Variants in TXNDC11 observed in about 807,000 individuals in gnomAD.
TXNDC11 encodes thioredoxin domain-containing protein 11.
A neutral mutation model predicts 78.0 loss-of-function variants in TXNDC11; 68 were observed. That is an observed-to-expected ratio of 0.87 (90% CI 0.72 to 1.07). The LOEUF (loss-of-function observed/expected upper bound fraction) is 1.07, where lower values mean the gene tolerates loss of function less well. TXNDC11 is among the 50% of genes least tolerant of loss of function. The pLI is 0.00. For synonymous variants in TXNDC11, 571 were observed against 495.2 expected (o/e 1.15, Z -2.03); for missense variants, 1,389 against 1,221.8 (o/e 1.14, Z -2.04).
At chr16:11,688,770 A>G (rs2050633847) in intron 8 of TXNDC11, among the ~76,000 whole-genome samples, 1 of 152,230 alleles carries the variant, frequency 6.6e-6, no homozygotes, top group African/African-American at 2.4e-5. Flanking sequence ...ACAAGCCACC[A>G]TCTTTTCAAG....
chr16:11,732,157 C>T (rs11075010), intron 3 of TXNDC11, among the ~76,000 whole-genome samples: 91,404 of 151,984 alleles, frequency 0.6, 28,214 homozygotes, highest in African/African-American at 0.72. Flanking sequence ...AGGTTGGACA[C>T]ATTTCTAAAG....
At chr16:11,731,146 G>T (rs990226122) in intron 3 of TXNDC11, among the ~76,000 whole-genome samples, 2 of 152,178 alleles carry the variant, frequency 1.3e-5, no homozygotes, top group East Asian at 1.9e-4. Flanking sequence ...GGGATTCCAG[G>T]ATTTAACTAT....
At chr16:11,717,387 A>C (rs2051557354) in intron 5 of TXNDC11, among the ~76,000 whole-genome samples, 3 of 143,968 alleles carry the variant, frequency 2.1e-5, no homozygotes, top group Admixed American at 1.4e-4. Context: ...GTGAGCTGAG[A>C]TCATGCCACT....
At chr16:11,713,195 G>C (rs1247237314) in intron 5 of TXNDC11, among the ~76,000 whole-genome samples, 1 of 150,930 alleles carries the variant, frequency 6.6e-6, no homozygotes, top group South Asian at 2.1e-4. Flanking sequence ...GCTGAGGTAG[G>C]AGGATCACCT....
chr16:11,703,600 T>A (rs1385021100), intron 5 of TXNDC11: 1 of 686,158 alleles, frequency 1.5e-6, no homozygotes, highest in African/African-American at 1.8e-5. Flanking sequence ...TGTGTGGGTA[T>A]AATACACTTC....
At chr16:11,703,066 G>A (rs954109786) in intron 5 of TXNDC11, among the ~76,000 whole-genome samples, 1 of 151,850 alleles carries the variant, frequency 6.6e-6, no homozygotes, top group African/African-American at 2.4e-5. Flanking sequence ...CCACAGTGAT[G>A]TATCACACAC....
rs577849932 is a variant in TXNDC11 at position 11,715,216 on chromosome 16, A to AAAAAC, written c.793+6356_793+6360dup. Among the ~76,000 whole-genome samples, 781 of 152,306 alleles carry AAAAAC rather than the reference A, an allele frequency of 5.1e-3. 5 individuals carry two copies. The highest frequency in any genetic ancestry group is 0.027 in the Middle Eastern group (8 of 294). ...GCAGTGAGCAGAGAACGGATGTCTC[A>AAAAAC]AAAACAAAACAAAACAAAACAAAAC... On this transcript the variant is annotated intron_variant, in intron 5 of 11. Coordinates refer to ENST00000283033, the MANE Select transcript of TXNDC11 (RefSeq NM_015914.7).
intron 2 of TXNDC11, 136 bp downstream of exon 2, chr16:11,735,881 C>G (rs1403074872): frequency 9.6e-6 from 7 of 728,394 alleles, no homozygotes; most frequent in Non-Finnish European, 1.6e-5. Flanking sequence ...TTATAGAAAG[C>G]TCTGTAACTT....
At chr16:11,724,458 G>A (rs1007914170) in intron 4 of TXNDC11, among the ~76,000 whole-genome samples, 1 of 152,016 alleles carries the variant, frequency 6.6e-6, no homozygotes, top group Non-Finnish European at 1.5e-5. Context: ...TCAACTTAAT[G>A]TCCACTGAAA....
chr16:11,694,626 T>G (rs2050811505), intron 7 of TXNDC11, among the ~76,000 whole-genome samples: 1 of 152,100 alleles, frequency 6.6e-6, no homozygotes, highest in African/African-American at 2.4e-5. Context: ...TTTTATATTT[T>G]TAGTAGAGAC....
intron 7 of TXNDC11, among the ~76,000 whole-genome samples, chr16:11,695,444 G>T (rs1377697566): frequency 6.6e-5 from 10 of 151,792 alleles, no homozygotes; most frequent in Admixed American, 6.6e-4. Flanking sequence ...CCAATATTAG[G>T]CCTAAGGTGG....
Position 11,708,678 on chromosome 16 carries a change from T to C in TXNDC11, c.794-8114A>G, listed in dbSNP as rs568451293. 1.2e-4 allele frequency among the ~76,000 whole-genome samples: 19 copies of C among 152,328 alleles called. 2 individuals carry two copies. In the South Asian group the frequency reaches 2.9e-3, roughly 23 times the overall value. ...TGCTTCAAAACAAAATACCACTGGA[T>C]TAAGTCACATGGCATTTAATCATCA... On this transcript the variant is annotated intron_variant, in intron 5 of 11. Transcript: ENST00000283033.
At chr16:11,703,553 G>C in intron 5 of TXNDC11, 1 of 597,766 alleles carries the variant, frequency 1.7e-6, no homozygotes, top group Non-Finnish European at 3.1e-6. Context: ...CAGAGGGAGA[G>C]AGAGGGGATG....
intron 5 of TXNDC11, among the ~76,000 whole-genome samples, chr16:11,709,071 G>A (rs1030271265): frequency 1.3e-5 from 2 of 152,080 alleles, no homozygotes; most frequent in African/African-American, 4.8e-5. Context: ...TGTTTTCAAT[G>A]TATAAACTAT....
chr16:11,733,214 C>G (rs2052106793), intron 3 of TXNDC11, among the ~76,000 whole-genome samples: 1 of 151,970 alleles, frequency 6.6e-6, no homozygotes, highest in South Asian at 2.1e-4. Context: ...CGAGATTGCA[C>G]CACTGCACTC....
intron 5 of TXNDC11, among the ~76,000 whole-genome samples, chr16:11,714,653 A>T (rs573451690): frequency 5.3e-5 from 8 of 151,892 alleles, no homozygotes; most frequent in African/African-American, 1.9e-4. Context: ...AAAAAAAAAA[A>T]TTTCCAATCT....
At chr16:11,691,016 C>G (rs2050699421) in intron 8 of TXNDC11, 1 of 456,308 alleles carries the variant, frequency 2.2e-6, no homozygotes. Flanking sequence ...AGACATGTGA[C>G]AGAAATCGCC....
chr16:11,686,215 C>T (rs893052926), intron 10 of TXNDC11, among the ~76,000 whole-genome samples: 1 of 152,222 alleles, frequency 6.6e-6, no homozygotes, highest in African/African-American at 2.4e-5. Flanking sequence ...ACCTCGGCCT[C>T]CCAACATGCT....
At chr16:11,709,995 T>C (rs2051299469) in intron 5 of TXNDC11, among the ~76,000 whole-genome samples, 1 of 151,936 alleles carries the variant, frequency 6.6e-6, no homozygotes, top group Admixed American at 6.6e-5. Context: ...GTACAAACAT[T>C]AGACAGACGT....
Sources: allele counts gnomAD v4.1 joint callset (sites outside exome capture counted in the v4.1 genomes callset), GRCh38; gene constraint gnomAD v4.1.1; transcripts MANE v1.5; gene names NCBI Gene and HGNC (gene_info 2026-07-23, HGNC 2026-07-21).